NOS1AP: variants seen among roughly 807,000 people sequenced by gnomAD.
NOS1AP encodes the protein nitric oxide synthase 1 adaptor protein.
A neutral mutation model predicts 56.2 loss-of-function variants in NOS1AP; 21 were observed. The observed-to-expected ratio is 0.37, with a 90% confidence interval of 0.26 to 0.54. The LOEUF (loss-of-function observed/expected upper bound fraction) is 0.54. Ranked by LOEUF, NOS1AP falls within the 20% of genes least tolerant of loss-of-function variation. NOS1AP has a pLI of 0.84. For synonymous variants in NOS1AP, 270 were observed against 274.6 expected (o/e 0.98, Z 0.17); for missense variants, 522 against 657.8 (o/e 0.79, Z 2.26).
At chr1:162,100,318 T>C (rs1334634384) in intron 1 of NOS1AP, among the ~76,000 whole-genome samples, 30 of 152,066 alleles carry the variant, frequency 2.0e-4, no homozygotes, top group African/African-American at 6.5e-4. Context: ...TTTTAATGAT[T>C]GCCATTCTAA....
At chr1:162,228,849 G>T (rs1336214008) in intron 2 of NOS1AP, among the ~76,000 whole-genome samples, 1 of 152,052 alleles carries the variant, frequency 6.6e-6, no homozygotes, top group East Asian at 1.9e-4. Flanking sequence ...ACCAAATGAT[G>T]GTAAAACAAG....
At chr1:162,239,994 T>C (rs1653433591) in intron 2 of NOS1AP, among the ~76,000 whole-genome samples, 1 of 152,104 alleles carries the variant, frequency 6.6e-6, no homozygotes, top group Non-Finnish European at 1.5e-5. Context: ...GCATCAGAGC[T>C]CCCTCCAGGC....
intron 2 of NOS1AP, among the ~76,000 whole-genome samples, chr1:162,228,720 G>T (rs146096131): frequency 1.3e-3 from 204 of 152,292 alleles, no homozygotes; most frequent in African/African-American, 4.7e-3. Context: ...CCTGCCAAAA[G>T]CAAACAAGTA....
intron 2 of NOS1AP, among the ~76,000 whole-genome samples, chr1:162,171,423 G>T (rs559880507): frequency 6.6e-6 from 1 of 152,242 alleles, no homozygotes; most frequent in Admixed American, 6.5e-5. Context: ...GCTCATCATG[G>T]TCTTGTATTC....
intron 1 of NOS1AP, among the ~76,000 whole-genome samples, chr1:162,072,018 C>T (rs765201687): frequency 1.3e-5 from 2 of 151,834 alleles, no homozygotes; most frequent in Non-Finnish European, 2.9e-5. Flanking sequence ...TATGATTGCA[C>T]CACTGCACTC....
intron 2 of NOS1AP, among the ~76,000 whole-genome samples, chr1:162,246,821 A>AT (rs1474439374): frequency 6.6e-6 from 1 of 152,096 alleles, no homozygotes; most frequent in African/African-American, 2.4e-5. Context: ...CTGGACAGGA[A>AT]TGGGTATGGC....
At chr1:162,259,583 T>C (rs1654142349) in intron 2 of NOS1AP, among the ~76,000 whole-genome samples, 1 of 152,220 alleles carries the variant, frequency 6.6e-6, no homozygotes, top group Non-Finnish European at 1.5e-5. Flanking sequence ...GGAATTTAAC[T>C]GCATATGAGA....
chr1:162,231,005 C>A (rs1299749010), intron 2 of NOS1AP, among the ~76,000 whole-genome samples: 5 of 151,984 alleles, frequency 3.3e-5, no homozygotes, highest in Non-Finnish European at 7.4e-5. Context: ...GGATATATAC[C>A]CAGAAGTAGA....
At chr1:162,339,844 G>C (rs1464452153) in intron 5 of NOS1AP, among the ~76,000 whole-genome samples, 1 of 152,210 alleles carries the variant, frequency 6.6e-6, no homozygotes, top group Non-Finnish European at 1.5e-5. Flanking sequence ...TGAAGACACA[G>C]CCCCTCCCAG....
At chr1:162,288,695 A>G (rs1655166113) in intron 3 of NOS1AP, among the ~76,000 whole-genome samples, 1 of 152,168 alleles carries the variant, frequency 6.6e-6, no homozygotes, top group African/African-American at 2.4e-5. Flanking sequence ...CTCCCTCAAT[A>G]CTTTCATTGG....
At position 162,081,774 on chromosome 1, in the gene NOS1AP, A is replaced by ATATATATATTTTTTTTTTTTTTTTTTT; in HGVS notation, c.105+11493_105+11494insATATATATTTTTTTTTTTTTTTTTTTT. On this transcript the variant is annotated intron_variant, in intron 1 of 9. Transcript: ENST00000361897. ...TCTATAGATATATATATATATATAT[A>ATATATATATTTTTTTTTTTTTTTTTTT]TTTTTTTTTTGTAGAGATGGGTTTT... Among the ~76,000 whole-genome samples, 25 of 44,040 alleles carry ATATATATATTTTTTTTTTTTTTTTTTT rather than the reference A, an allele frequency of 5.7e-4. 2 individuals are homozygous for ATATATATATTTTTTTTTTTTTTTTTTT. Among genetic ancestry groups the ATATATATATTTTTTTTTTTTTTTTTTT allele is most frequent in the African/African-American group, 1.3e-3 (17 of 13,070 alleles). The allele number at this position is 44,040 out of a possible 152,430, so 28.9% of individuals were successfully genotyped here.
chr1:162,317,333 T>C (rs1656262241), intron 4 of NOS1AP: 1 of 152,138 alleles, frequency 6.6e-6, no homozygotes, highest in African/African-American at 2.4e-5. Context: ...GTTAAAAATA[T>C]ATAGAGAGAT....
At chr1:162,314,914 G>GA (rs1344315613) in intron 4 of NOS1AP, among the ~76,000 whole-genome samples, 12 of 152,118 alleles carry the variant, frequency 7.9e-5, no homozygotes, top group Non-Finnish European at 5.9e-5. Context: ...AGTAGGAGGA[G>GA]AAAAAAACAA....
chr1:162,103,620 A>G (rs917118362), intron 1 of NOS1AP, among the ~76,000 whole-genome samples: 3 of 152,160 alleles, frequency 2.0e-5, no homozygotes, highest in Admixed American at 6.5e-5. Flanking sequence ...GTAGTCCTGT[A>G]TTGGGTGCAT....
At chr1:162,256,653 A>G (rs1476624322) in intron 2 of NOS1AP, among the ~76,000 whole-genome samples, 1 of 152,198 alleles carries the variant, frequency 6.6e-6, no homozygotes, top group African/African-American at 2.4e-5. Flanking sequence ...TCCCCCTCTC[A>G]TAGATACACA....
At chr1:162,363,435 C>G (rs1459865289) in intron 8 of NOS1AP, 3 of 152,624 alleles carry the variant, frequency 2.0e-5, no homozygotes, top group Non-Finnish European at 4.4e-5. Context: ...GTTCAGCTGC[C>G]CGGCAGCTCC....
chr1:162,257,989 T>C (rs1476643774), intron 2 of NOS1AP, among the ~76,000 whole-genome samples: 5 of 152,194 alleles, frequency 3.3e-5, no homozygotes, highest in Non-Finnish European at 7.3e-5. Context: ...TTTTTTATTT[T>C]AAATGCCATA....
At chr1:162,098,264 G>A (rs562361890) in intron 1 of NOS1AP, among the ~76,000 whole-genome samples, 1 of 30,130 alleles carries the variant, frequency 3.3e-5, no homozygotes, top group East Asian at 1.5e-3. Flanking sequence ...GCACCACCAT[G>A]CCCGGCTATT....
intron 1 of NOS1AP, among the ~76,000 whole-genome samples, chr1:162,076,821 C>T (rs1250848708): frequency 6.6e-6 from 1 of 152,178 alleles, no homozygotes; most frequent in Non-Finnish European, 1.5e-5. Flanking sequence ...CTATTCGGGA[C>T]ATTTCATATT....
Sources: gnomAD v4.1 joint callset for allele counts (sites outside exome capture counted in the v4.1 genomes callset) on GRCh38, gnomAD v4.1.1 for gene constraint, MANE v1.5 for transcripts, NCBI Gene and HGNC (gene_info 2026-07-23, HGNC 2026-07-21) for gene names.